Variants in PRELID2 observed in about 807,000 individuals in gnomAD.
PRELID2 encodes PRELI domain containing 2.
PRELID2 carries 25 observed loss-of-function variants against 28.4 expected under a neutral mutation model. The observed-to-expected ratio is 0.88, with a 90% confidence interval of 0.64 to 1.23. The LOEUF (loss-of-function observed/expected upper bound fraction) is 1.23. Ranked by LOEUF, PRELID2 falls within the 50% of genes most tolerant of loss-of-function variation. The pLI is 0.00. For synonymous variants in PRELID2, 76 were observed against 71.6 expected (o/e 1.06, Z -0.31); for missense variants, 201 against 214.4 (o/e 0.94, Z 0.39).
chr5:145,744,650 GCAA>G (rs771473514), intron 1 of PRELID2, among the ~76,000 whole-genome samples: 13 of 152,000 alleles, frequency 8.6e-5, no homozygotes, highest in Non-Finnish European at 1.3e-4. Context: ...CAAACAGAAA[GCAA>G]CAACAACAGT....
At chr5:145,498,994 G>T (rs1052576276) in intron 1 of PRELID2, among the ~76,000 whole-genome samples, 1 of 152,044 alleles carries the variant, frequency 6.6e-6, no homozygotes, top group African/African-American at 2.4e-5. Context: ...AATATAAATA[G>T]AATTCTAAGG....
At chr5:145,596,382 A>G (rs1166583665) in intron 1 of PRELID2, among the ~76,000 whole-genome samples, 1 of 152,122 alleles carries the variant, frequency 6.6e-6, no homozygotes, top group African/African-American at 2.4e-5. Flanking sequence ...TAGACCTGGC[A>G]TTTATCCTGG....
At chr5:145,357,659 T>C in the PRELID2 span, among the ~76,000 whole-genome samples, 1 of 152,210 alleles carries the variant, frequency 6.6e-6, no homozygotes, top group Non-Finnish European at 1.5e-5. Flanking sequence ...TCACCATATT[T>C]CTTAGATTCC....
the PRELID2 span, among the ~76,000 whole-genome samples, chr5:145,383,075 T>G: frequency 6.6e-6 from 1 of 151,560 alleles, no homozygotes; most frequent in Non-Finnish European, 1.5e-5. Flanking sequence ...GTAGACTCAA[T>G]GCAATTTCAA....
At chr5:145,431,199 T>A in the PRELID2 span, among the ~76,000 whole-genome samples, 1 of 151,960 alleles carries the variant, frequency 6.6e-6, no homozygotes. Flanking sequence ...TTCTTTTTTA[T>A]CCACTCCCAA....
the PRELID2 span, among the ~76,000 whole-genome samples, chr5:145,390,484 T>A: frequency 2.0e-5 from 3 of 152,042 alleles, no homozygotes; most frequent in African/African-American, 7.2e-5. Flanking sequence ...TATAAAACCA[T>A]CAGATATCAT....
the PRELID2 span, among the ~76,000 whole-genome samples, chr5:145,340,390 G>T: frequency 6.6e-6 from 1 of 152,102 alleles, no homozygotes; most frequent in Non-Finnish European, 1.5e-5. Flanking sequence ...CACACCAGCT[G>T]CCCAGTGGCT....
At chr5:145,590,868 A>C (rs1196446279) in intron 1 of PRELID2, among the ~76,000 whole-genome samples, 1 of 152,180 alleles carries the variant, frequency 6.6e-6, no homozygotes, top group African/African-American at 2.4e-5. Context: ...AGTAAGATAG[A>C]ATGGACACTG....
chr5:145,481,555 T>G lies in PRELID2; in HGVS notation n.71-8240A>C, dbSNP rs139019656. On this transcript the variant is annotated intron_variant and non_coding_transcript_variant, in intron 1 of 2. Transcript: ENST00000510259. ...TCTTCTGGTCCAAATTAGCTGTCCC[T>G]CAACCTGTTAAGTCCACTTTGACCA... 4.8e-4 allele frequency among the ~76,000 whole-genome samples: 68 copies of G among 141,960 alleles called. No individual in the cohort carries two copies. The East Asian group carries it at 0.011, about 22-fold the overall frequency. 93.1% of individuals were successfully genotyped at this position (141,960 alleles called of 152,430 possible).
At chr5:145,742,203 T>TAAAG (rs1756843162) in intron 1 of PRELID2, among the ~76,000 whole-genome samples, 1 of 138,284 alleles carries the variant, frequency 7.2e-6, no homozygotes, top group African/African-American at 2.6e-5. Flanking sequence ...TAATAATATA[T>TAAAG]AAATATACAT....
the PRELID2 span, among the ~76,000 whole-genome samples, chr5:145,267,106 C>T: frequency 6.6e-6 from 1 of 152,054 alleles, no homozygotes; most frequent in African/African-American, 2.4e-5. Flanking sequence ...GCAAAGAAAG[C>T]CAATTCAAGT....
Position 145,821,307 on chromosome 5 carries a change from GTGTA to G in PRELID2, c.134-1293_134-1290del, listed in dbSNP as rs759513233. Among the ~76,000 whole-genome samples the G allele has an allele frequency of 4.7e-3, 710 of 150,608 alleles. 7 individuals carry two copies. Among genetic ancestry groups the G allele is most frequent in the African/African-American group, 0.015 (603 of 40,680 alleles). ...TGTGTTTAAGCTCTCTTCTGTGTGT[GTGTA>G]TGTGTGTAAGCCCTCTTCTGTGTAT... On this transcript the variant is annotated intron_variant, in intron 2 of 6. Transcript: ENST00000683046.
At chr5:145,295,036 C>T in the PRELID2 span, among the ~76,000 whole-genome samples, 1 of 152,080 alleles carries the variant, frequency 6.6e-6, no homozygotes, top group Non-Finnish European at 1.5e-5. Flanking sequence ...TTCCTCAACC[C>T]CAGGGCTGCT....
the PRELID2 span, among the ~76,000 whole-genome samples, chr5:145,361,255 T>C: frequency 2.6e-5 from 4 of 152,316 alleles, no homozygotes; most frequent in African/African-American, 9.6e-5. Flanking sequence ...TTATAAATTA[T>C]AATCAGCCCT....
At chr5:145,755,937 G>C (rs1757245164), downstream of PRELID2, among the ~76,000 whole-genome samples, 1 of 152,144 alleles carries the variant, frequency 6.6e-6, no homozygotes, top group Non-Finnish European at 1.5e-5. Flanking sequence ...AGTAAAATGA[G>C]GACAAATGAA....
At chr5:145,475,466 A>G (rs1438605120) in intron 1 of PRELID2, among the ~76,000 whole-genome samples, 4 of 152,052 alleles carry the variant, frequency 2.6e-5, no homozygotes, top group South Asian at 2.1e-4. Flanking sequence ...CCAAATCTCA[A>G]TTTCAGGTGG....
chr5:145,332,639 A>C, the PRELID2 span, among the ~76,000 whole-genome samples: 1 of 151,944 alleles, frequency 6.6e-6, no homozygotes, highest in African/African-American at 2.4e-5. Context: ...GTTCTTCTCT[A>C]AACTGGTTAT....
At chr5:145,375,630 C>T in the PRELID2 span, among the ~76,000 whole-genome samples, 1 of 152,172 alleles carries the variant, frequency 6.6e-6, no homozygotes, top group Non-Finnish European at 1.5e-5. Flanking sequence ...CCTAGGGGCT[C>T]AGGCCCAGGG....
At chr5:145,476,272 T>G (rs1752100524) in intron 1 of PRELID2, among the ~76,000 whole-genome samples, 1 of 152,226 alleles carries the variant, frequency 6.6e-6, no homozygotes, top group Admixed American at 6.5e-5. Flanking sequence ...AATTCTAAAG[T>G]TCTCCAAAAT....
Sources: allele counts gnomAD v4.1 joint callset (sites outside exome capture counted in the v4.1 genomes callset), GRCh38; gene constraint gnomAD v4.1.1; transcripts MANE v1.5; gene names NCBI Gene and HGNC (gene_info 2026-07-23, HGNC 2026-07-21).